ANO9: variants seen among roughly 807,000 people sequenced by gnomAD.
ANO9 encodes anoctamin-9.
ANO9 carries 80 observed loss-of-function variants against 100.5 expected under a neutral mutation model. That is an observed-to-expected ratio of 0.80 (90% confidence interval 0.66 to 0.96). The LOEUF is 0.96. Ranked by LOEUF, ANO9 falls within the 40% of genes least tolerant of loss-of-function variation. The pLI, the probability that ANO9 is intolerant of heterozygous loss-of-function variation, is 0.00. For synonymous variants in ANO9, 473 were observed against 435.6 expected (o/e 1.09, Z -1.07); for missense variants, 1,064 against 1,072.7 (o/e 0.99, Z 0.11).
In ANO9 at chr11:421,279, T is replaced by C; in HGVS notation, c.1335-81A>G. On this transcript the variant is annotated intron_variant, in intron 15 of 22. Transcript: ENST00000332826. The surrounding 1 kb of genome is among the most constrained non-coding windows in gnomAD (Gnocchi z 6.8). The stretch of plus-strand genomic sequence containing the variant: ...GTGGGTGCAGCAGGACAGAAGCGGG[T>C]AGGAAAGACACAGAACAGGCGGGGC... The C allele has an allele frequency of 2.9e-6, 4 of 1,380,386 alleles. No homozygotes were observed. Among genetic ancestry groups the C allele is most frequent in the Non-Finnish European group, 3.8e-6 (4 of 1,046,930 alleles). The allele number at this position is 1,380,386 out of a possible 1,614,324, so 85.5% of individuals were successfully genotyped here. A position where few individuals can be genotyped will look rare whatever the true frequency, so the allele number is the denominator to read the frequency against.
At chr11:424,393 C>T (rs142758656) in intron 15 of ANO9, among the ~76,000 whole-genome samples, 6 of 152,312 alleles carry the variant, frequency 3.9e-5, no homozygotes, top group East Asian at 1.9e-4. Context: ...TTATCTGTTC[C>T]GCCACCCACT....
rs999577655 is a variant in ANO9 at position 436,498 on chromosome 11, A to G, written c.7-2400T>C. Among the ~76,000 whole-genome samples the G allele has an allele frequency of 3.3e-5, 5 of 151,702 alleles. No homozygotes were observed. The East Asian group carries it at 7.8e-4, about 24-fold the overall frequency. On this transcript the variant is annotated intron_variant, in intron 1 of 22. Coordinates refer to ENST00000332826, the MANE Select transcript of ANO9 (RefSeq NM_001012302.3). ...CCCTATTCTCTCTACCGTCTCAACCACAGAAGCCAGGAAATGCATCCAACC... is the reference window on the plus strand; with the variant it reads ...CCCTATTCTCTCTACCGTCTCAACCGCAGAAGCCAGGAAATGCATCCAACC...
chr11:419,772 C>T (rs200751546), intron 19 of ANO9, 43 bp from the exon 20 acceptor site: 17 of 1,601,224 alleles, frequency 1.1e-5, no homozygotes, highest in Admixed American at 8.4e-5. Context: ...CAGCGTCCCT[C>T]GGCTGGTTCT....
At chr11:435,855 T>C (rs1487687502) in intron 1 of ANO9, among the ~76,000 whole-genome samples, 1 of 150,810 alleles carries the variant, frequency 6.6e-6, no homozygotes, top group African/African-American at 2.4e-5. Flanking sequence ...TCTAGTCTAG[T>C]CTAGTCTAGT....
intron 1 of ANO9, among the ~76,000 whole-genome samples, chr11:437,765 G>A (rs151041032): frequency 1.6e-4 from 24 of 152,328 alleles, no homozygotes; most frequent in South Asian, 8.3e-4. Context: ...GTAGGGGCCC[G>A]GGAAGTGTTG....
intron 11 of ANO9, 147 bp from the exon 12 acceptor site, chr11:428,973 G>A (rs930762113): frequency 3.6e-5 from 26 of 730,812 alleles, no homozygotes; most frequent in East Asian, 5.6e-5. Flanking sequence ...CACCCCACAC[G>A]TGGGGAGACA....
chr11:420,705 A>T lies in ANO9; in HGVS notation c.1633+13T>A. The stretch of plus-strand genomic sequence containing the variant: ...TCGTCTCCGCGAACCCCCGCCCCGC[A>T]GCGCCCACGCACTCATCTCCATGAA... On this transcript the variant is annotated intron_variant, in intron 18 of 22. Transcript: ENST00000332826. 6.2e-7 allele frequency: 1 copy of T among 1,604,564 alleles called. No individual in the cohort carries two copies.
chr11:418,432 G>C lies in ANO9; in HGVS notation c.2288C>G (p.Pro763Arg), dbSNP rs149886763. The change falls in exon 23 of 23, where the codon CCC (proline) becomes CGC (arginine). Residue 763 changes from proline (P) to arginine (R), a missense_variant. Pro to Arg is a moderately radical substitution (Grantham distance 103). Transcript: ENST00000332826. ...RLGGVGAGSRPPMPAHPTPAS... is the reference protein window; with the variant it reads ...RLGGVGAGSRRPMPAHPTPAS... Reference sequence around the variant, plus strand: ...TGGGGTGGGATGGGCAGGCATTGGGGGCCGAGAGCCTGCCCCCACCCCACC... The same window carrying C: ...TGGGGTGGGATGGGCAGGCATTGGGCGCCGAGAGCCTGCCCCCACCCCACC... The C allele has an allele frequency of 1.2e-6, 2 of 1,612,546 alleles. No homozygotes were observed.
chr11:433,531 C>T (rs368819375), intron 3 of ANO9, 72 bp from the exon 4 acceptor site: 60 of 1,580,640 alleles, frequency 3.8e-5, no homozygotes, highest in Middle Eastern at 1.8e-4. Flanking sequence ...AACCCTCCCC[C>T]CTCTATTCCA....
chr11:428,764 G>A lies in ANO9; in HGVS notation c.978C>T (p.Ser326=), dbSNP rs1848685001. 1 of 1,613,298 alleles carries A rather than the reference G, an allele frequency of 6.2e-7. No homozygotes were observed. The highest frequency in any genetic ancestry group is 8.5e-7 in the Non-Finnish European group (1 of 1,179,966). ...CGAGGATGACGGTGCTGCGTAGGTA[G>A]GAGTGCTGGTATGGCCGGAGCTTGT... ...PDYKLRPYQH[S]YLRSTVILVL... Residue 326 remains serine (S), a synonymous_variant, in exon 12 of 23, where the codon TCC becomes TCT. Transcript: ENST00000332826.
rs770908218 is a variant in ANO9 at position 419,598 on chromosome 11, C to G, written c.1918G>C (p.Gly640Arg). Residue 640 changes from glycine to arginine, a missense_variant, in exon 20 of 23, where the codon GGC (glycine) becomes CGC (arginine). Coordinates refer to ENST00000332826, the MANE Select transcript of ANO9 (RefSeq NM_001012302.3). The part of the protein sequence containing the change: ...KYRYSPCLKE[G>R]NSTVDCLKGY... Reference sequence around the variant, plus strand: ...AGGCCTTACTCGACAGTAGAGTTGCCTTCTTTCAGGCATGGGCTATAGCGG... The same window carrying G: ...AGGCCTTACTCGACAGTAGAGTTGCGTTCTTTCAGGCATGGGCTATAGCGG... 1.9e-6 allele frequency: 3 copies of G among 1,613,414 alleles called. No individual in the cohort carries two copies. The highest frequency in any genetic ancestry group is 1.7e-4 in the Middle Eastern group (1 of 6,060).
chr11:425,553 T>TA (rs796310958), intron 15 of ANO9, among the ~76,000 whole-genome samples: 2,397 of 132,040 alleles, frequency 0.018, 61 homozygotes, highest in East Asian at 0.07. Flanking sequence ...AACTGACAGT[T>TA]AAAAAAAAAA....
Position 431,861 on chromosome 11 carries a change from A to T in ANO9, c.452T>A (p.Phe151Tyr), listed in dbSNP as rs754375500. Residue 151 changes from phenylalanine (F) to tyrosine (Y), a missense_variant, in exon 6 of 23, where the codon TTC (phenylalanine) becomes TAC (tyrosine). Physicochemically the swap from Phe to Tyr is conservative, Grantham distance 22. Transcript: ENST00000332826. Reference protein sequence around the residue: ...LMKDGVFEARFPLHKGEGRLK... With the variant: ...LMKDGVFEARYPLHKGEGRLK... ...CCCACCCCTCACCTTGTGCAGGGGG[A>T]ACCTGGCCTCAAAGACCCCGTCCTT... 1.3e-5 allele frequency: 21 copies of T among 1,610,276 alleles called. No homozygotes were observed. In the South Asian group the frequency reaches 1.3e-4, roughly 10 times the overall value.
At position 418,482 on chromosome 11, in the gene ANO9, C is replaced by T. The variant is rs1847972332; in HGVS notation, c.2238G>A (p.Lys746=). Reference sequence around the variant, plus strand: ...CCAGCCTCTGCCTTCCATGCCACATCTTCTCACGCAGCCTCTGGTACTTCA... The same window carrying T: ...CCAGCCTCTGCCTTCCATGCCACATTTTCTCACGCAGCCTCTGGTACTTCA... ...LEVKYQRLRE[K]MWHGRQRLGG... The change falls in exon 23 of 23, where the codon AAG becomes AAA. Residue 746 remains lysine (K), a synonymous_variant. Coordinates refer to ENST00000332826, the MANE Select transcript of ANO9 (RefSeq NM_001012302.3). 7 of 1,613,010 alleles carry T rather than the reference C, an allele frequency of 4.3e-6. No homozygotes were observed. Among genetic ancestry groups the T allele is most frequent in the Non-Finnish European group, 5.9e-6 (7 of 1,180,014 alleles).
At chr11:425,814 C>T (rs185751186) in intron 15 of ANO9, among the ~76,000 whole-genome samples, 1 of 152,124 alleles carries the variant, frequency 6.6e-6, no homozygotes, top group Admixed American at 6.5e-5. Flanking sequence ...TCACTGCAGG[C>T]TCTGCCTCCC....
In ANO9 at chr11:420,714, G is replaced by A. The variant is rs564946014; in HGVS notation, c.1633+4C>T. ...CGAACCCCCGCCCCGCAGCGCCCACGCACTCATCTCCATGAACTCGTCGAA... is the reference window on the plus strand; with the variant it reads ...CGAACCCCCGCCCCGCAGCGCCCACACACTCATCTCCATGAACTCGTCGAA... On this transcript the variant is annotated splice_donor_region_variant and intron_variant, in intron 18 of 22. Transcript: ENST00000332826. 8.7e-6 allele frequency: 14 copies of A among 1,606,954 alleles called. No homozygotes were observed. The African/African-American group carries it at 9.3e-5, about 11-fold the overall frequency.
chr11:427,585 A>T (rs1375217315), intron 15 of ANO9, among the ~76,000 whole-genome samples: 1 of 152,020 alleles, frequency 6.6e-6, no homozygotes, highest in Non-Finnish European at 1.5e-5. Context: ...TATTAAAATT[A>T]GCTGGGTGTG....
intron 1 of ANO9, 85 bp downstream of exon 1, chr11:441,836 T>A: frequency 6.5e-7 from 1 of 1,538,244 alleles, no homozygotes; most frequent in Non-Finnish European, 8.7e-7. Context: ...CAGGTGGGGC[T>A]GGCGGGGGGC....
At position 425,771 on chromosome 11, in the gene ANO9, G is replaced by A. The variant is rs972320733; in HGVS notation, c.1334+2317C>T. On this transcript the variant is annotated intron_variant, in intron 15 of 22. Transcript: ENST00000332826. ...TTTTGAGACGGAGTCTCACTCTGTC[G>A]CCCAGGCTGGAGTGCAGTGGCGCGA... Among the ~76,000 whole-genome samples, 27 of 150,952 alleles carry A rather than the reference G, an allele frequency of 1.8e-4. 1 individual carries two copies. Among genetic ancestry groups the A allele is most frequent in the African/African-American group, 7.3e-5 (3 of 40,988 alleles).
Sources: allele counts gnomAD v4.1 joint callset (sites outside exome capture counted in the v4.1 genomes callset), GRCh38; gene constraint gnomAD v4.1.1; non-coding constraint Gnocchi (gnomAD v3.1); transcripts MANE v1.5; gene names NCBI Gene and HGNC (gene_info 2026-07-23, HGNC 2026-07-21).